Variants in GNAO1 observed in about 807,000 individuals in gnomAD.
GNAO1 encodes the protein G protein subunit alpha o1.
For synonymous variants in GNAO1, 164 were observed against 180.7 expected (o/e 0.91, Z 0.74); for missense variants, 166 against 478.7 (o/e 0.35, Z 6.10).
intron 3 of GNAO1, among the ~76,000 whole-genome samples, chr16:56,325,752 C>CT (rs1212155256): frequency 1.3e-5 from 2 of 152,138 alleles, no homozygotes; most frequent in African/African-American, 2.4e-5. Context: ...GTGGCAGAAA[C>CT]TAACGGGATA....
At chr16:56,234,627 T>A (rs2036620196) in intron 2 of GNAO1, among the ~76,000 whole-genome samples, 1 of 152,212 alleles carries the variant, frequency 6.6e-6, no homozygotes, top group African/African-American at 2.4e-5. Flanking sequence ...TTTTCCCCTG[T>A]CCCTGGGTGG....
chr16:56,279,149 C>T (rs2037091537), intron 3 of GNAO1, among the ~76,000 whole-genome samples: 1 of 152,128 alleles, frequency 6.6e-6, no homozygotes, highest in African/African-American at 2.4e-5. Context: ...GCCAGCCTTG[C>T]ACTCTCCACA....
At chr16:56,280,634 G>A (rs1458016414) in intron 3 of GNAO1, among the ~76,000 whole-genome samples, 3 of 152,166 alleles carry the variant, frequency 2.0e-5, no homozygotes, top group African/African-American at 7.2e-5. Flanking sequence ...TGAAGAAGCT[G>A]CAGCAACAGA....
chr16:56,279,980 A>G (rs1420110303), intron 3 of GNAO1, among the ~76,000 whole-genome samples: 5 of 152,224 alleles, frequency 3.3e-5, no homozygotes, highest in Non-Finnish European at 5.9e-5. Flanking sequence ...GACCCATCCC[A>G]TTAATGGAAT....
intron 2 of GNAO1, among the ~76,000 whole-genome samples, chr16:56,252,368 G>A (rs1172700022): frequency 6.6e-6 from 1 of 152,212 alleles, no homozygotes; most frequent in African/African-American, 2.4e-5. Flanking sequence ...AGCAGTAAGT[G>A]CTGTGCTTCC....
intron 3 of GNAO1, among the ~76,000 whole-genome samples, chr16:56,279,095 T>C (rs1270199356): frequency 3.3e-5 from 5 of 152,004 alleles, no homozygotes; most frequent in African/African-American, 1.2e-4. Context: ...CATCAGGGGA[T>C]GTCTGGAGGA....
At chr16:56,324,029 G>T (rs901857750) in intron 3 of GNAO1, among the ~76,000 whole-genome samples, 2 of 152,098 alleles carry the variant, frequency 1.3e-5, no homozygotes, top group Admixed American at 6.5e-5. Flanking sequence ...AGGGCGGGGG[G>T]CCAGGGGGTG....
chr16:56,312,128 C>T (rs1275903390), intron 3 of GNAO1, among the ~76,000 whole-genome samples: 1 of 152,154 alleles, frequency 6.6e-6, no homozygotes, highest in Non-Finnish European at 1.5e-5. Flanking sequence ...CACGGGCCTC[C>T]ATTTCCTCTC....
intron 3 of GNAO1, among the ~76,000 whole-genome samples, chr16:56,325,275 G>A (rs938192773): frequency 1.3e-5 from 2 of 152,192 alleles, no homozygotes; most frequent in Non-Finnish European, 2.9e-5. Context: ...TTGGGAGTTC[G>A]AGACCAGCCT....
intron 7 of GNAO1, chr16:56,352,216 T>A (rs914804324): frequency 2.0e-5 from 3 of 152,698 alleles, no homozygotes; most frequent in African/African-American, 7.2e-5. Flanking sequence ...TCTTCTGCCT[T>A]CTCTGGGGCT....
At chr16:56,286,492 C>T (rs767175496) in intron 3 of GNAO1, among the ~76,000 whole-genome samples, 4 of 152,132 alleles carry the variant, frequency 2.6e-5, no homozygotes, top group Non-Finnish European at 5.9e-5. Context: ...CCCATCTCTC[C>T]ACTCTGCCGC....
intron 2 of GNAO1, among the ~76,000 whole-genome samples, chr16:56,206,674 T>G (rs1408464440): frequency 1.3e-5 from 2 of 152,238 alleles, no homozygotes; most frequent in African/African-American, 4.8e-5. Flanking sequence ...TGAATTTTAC[T>G]CTAAGTAAAT....
At chr16:56,279,407 G>A (rs1237832668) in intron 3 of GNAO1, among the ~76,000 whole-genome samples, 3 of 152,152 alleles carry the variant, frequency 2.0e-5, no homozygotes, top group East Asian at 1.9e-4. Flanking sequence ...CCTTACATCC[G>A]TCTGTGGTTT....
intron 3 of GNAO1, among the ~76,000 whole-genome samples, chr16:56,317,327 C>T (rs2037521604): frequency 6.6e-6 from 1 of 152,224 alleles, no homozygotes; most frequent in Non-Finnish European, 1.5e-5. Flanking sequence ...ACCTCAGGGG[C>T]TGCTCTCCCT....
At chr16:56,341,116 A>G (rs1486419537) in intron 6 of GNAO1, 2 of 736,268 alleles carry the variant, frequency 2.7e-6, no homozygotes, top group Admixed American at 2.3e-5. Flanking sequence ...ACGGTCCCCC[A>G]CCCTGCCCCC....
At chr16:56,213,146 G>A (rs771036771) in intron 2 of GNAO1, 63 of 393,908 alleles carry the variant, frequency 1.6e-4, no homozygotes, top group Middle Eastern at 6.4e-4. Flanking sequence ...CAGGGAAGAG[G>A]GAATGTGAAT....
intron 2 of GNAO1, among the ~76,000 whole-genome samples, chr16:56,195,257 A>G (rs2143284402): frequency 6.6e-6 from 1 of 152,276 alleles, no homozygotes; most frequent in East Asian, 1.9e-4. Flanking sequence ...GTTTGCCACA[A>G]GGGACCCTGG....
chr16:56,289,766 G>T (rs528411061), intron 3 of GNAO1, among the ~76,000 whole-genome samples: 1 of 152,240 alleles, frequency 6.6e-6, no homozygotes, highest in East Asian at 1.9e-4. Context: ...ACATTTTATT[G>T]ATTGGCCCAC....
At chr16:56,203,258 G>C (rs1313141211) in intron 2 of GNAO1, among the ~76,000 whole-genome samples, 1 of 152,056 alleles carries the variant, frequency 6.6e-6, no homozygotes, top group Non-Finnish European at 1.5e-5. Flanking sequence ...CTTGAAGAGA[G>C]AAGTAGGTTC....
Sources: allele counts gnomAD v4.1 joint callset (sites outside exome capture counted in the v4.1 genomes callset), GRCh38; gene constraint gnomAD v4.1.1; transcripts MANE v1.5; gene names NCBI Gene and HGNC (gene_info 2026-07-23, HGNC 2026-07-21).